The following SLC35F3 variants were observed in gnomAD, a reference collection of about 807,000 sequenced individuals.
SLC35F3 encodes the protein putative thiamine transporter SLC35F3.
In SLC35F3, 25 loss-of-function variants were observed where a neutral mutation model predicts 49.9. The observed-to-expected ratio is 0.50, with a 90% CI of 0.37 to 0.70. SLC35F3 has a LOEUF of 0.70. SLC35F3 is among the 30% of genes least tolerant of loss of function. The probability of loss-of-function intolerance (pLI) is 0.00; values close to 1 mark genes in which losing one functional copy is unlikely to be tolerated. For missense variants in SLC35F3, 525 were observed against 639.8 expected (o/e 0.82, Z 1.94); for synonymous variants, 275 against 265.4 (o/e 1.04, Z -0.35).
intron 2 of SLC35F3, among the ~76,000 whole-genome samples, chr1:234,111,867 A>T (rs1485071385): frequency 6.6e-6 from 1 of 152,224 alleles, no homozygotes; most frequent in Non-Finnish European, 1.5e-5. Context: ...ACACAGCAAG[A>T]TGTTTAGGGT....
chr1:233,926,948 C>G (rs1362739206), intron 2 of SLC35F3, among the ~76,000 whole-genome samples: 3 of 152,208 alleles, frequency 2.0e-5, no homozygotes. Context: ...CCCTGTTTGA[C>G]TGGGTATCAC....
intron 2 of SLC35F3, among the ~76,000 whole-genome samples, chr1:234,187,491 G>T (rs1261843581): frequency 6.6e-6 from 1 of 152,186 alleles, no homozygotes; most frequent in Non-Finnish European, 1.5e-5. Context: ...AAGAACTACT[G>T]CAGGAATATA....
chr1:234,274,278 A>G (rs985089309), intron 3 of SLC35F3: 1 of 152,228 alleles, frequency 6.6e-6, no homozygotes, highest in Non-Finnish European at 1.5e-5. Context: ...CAGCGTCACC[A>G]AAGAGATTTT....
chr1:234,293,850 T>C lies in SLC35F3; in HGVS notation c.609-15251T>C, dbSNP rs1339632400. Among the ~76,000 whole-genome samples the C allele has an allele frequency of 2.6e-5, 4 of 152,242 alleles. No homozygotes were observed. In the East Asian group the frequency reaches 7.7e-4, roughly 29 times the overall value. On this transcript the variant is annotated intron_variant, in intron 3 of 7. Transcript: ENST00000366618. ...ATATAACAACCTTTAATTTCAACTT[T>C]CATAAAACTGTTCTCTTTAGGAATG... is the stretch of plus-strand genomic sequence containing the variant.
chr1:234,161,047 G>C (rs920899601), intron 2 of SLC35F3, among the ~76,000 whole-genome samples: 1 of 152,116 alleles, frequency 6.6e-6, no homozygotes, highest in Non-Finnish European at 1.5e-5. Context: ...GATGGCCCAG[G>C]CTCCAGACAC....
chr1:234,099,628 C>A (rs906740146), intron 2 of SLC35F3, among the ~76,000 whole-genome samples: 5,515 of 119,532 alleles, frequency 0.046, 136 homozygotes, highest in Non-Finnish European at 0.065. Flanking sequence ...AAAAAAAAAA[C>A]AAAAAAAAGA....
chr1:234,139,367 C>G (rs867700396), intron 2 of SLC35F3, among the ~76,000 whole-genome samples: 4 of 152,158 alleles, frequency 2.6e-5, no homozygotes, highest in South Asian at 2.1e-4. Flanking sequence ...AAATGGACAA[C>G]GCAAATTGTA....
chr1:234,037,632 A>G (rs1241617467), intron 2 of SLC35F3, among the ~76,000 whole-genome samples: 1 of 152,252 alleles, frequency 6.6e-6, no homozygotes, highest in African/African-American at 2.4e-5. Context: ...TATGGAAGAA[A>G]AAATAAAGCT....
chr1:234,199,890 A>G (rs780092196), intron 2 of SLC35F3, among the ~76,000 whole-genome samples: 7 of 152,254 alleles, frequency 4.6e-5, no homozygotes, highest in Non-Finnish European at 1.0e-4. Flanking sequence ...ATATGAAAAA[A>G]TGCTCAACAT....
chr1:234,082,731 C>T (rs1390124111), intron 2 of SLC35F3, among the ~76,000 whole-genome samples: 2 of 152,006 alleles, frequency 1.3e-5, no homozygotes, highest in East Asian at 3.9e-4. Flanking sequence ...TGGCAGCAGG[C>T]GAGAGAGAAA....
chr1:234,254,268 C>G (rs1667783838), intron 3 of SLC35F3, among the ~76,000 whole-genome samples: 1 of 152,186 alleles, frequency 6.6e-6, no homozygotes, highest in African/African-American at 2.4e-5. Flanking sequence ...CTTCTCTATT[C>G]TCAAAACCCA....
chr1:234,138,425 A>T (rs2102901730), intron 2 of SLC35F3, among the ~76,000 whole-genome samples: 1 of 152,330 alleles, frequency 6.6e-6, no homozygotes, highest in South Asian at 2.1e-4. Context: ...GGGTAAATAT[A>T]TGCACACTCA....
chr1:234,022,067 A>G (rs1335467090), intron 2 of SLC35F3, among the ~76,000 whole-genome samples: 1 of 152,250 alleles, frequency 6.6e-6, no homozygotes, highest in Non-Finnish European at 1.5e-5. Flanking sequence ...AGGTCAAAGG[A>G]GAGCATAAAA....
At chr1:233,947,572 T>C (rs879401246) in intron 2 of SLC35F3, among the ~76,000 whole-genome samples, 4 of 151,526 alleles carry the variant, frequency 2.6e-5, no homozygotes, top group Admixed American at 6.6e-5. Flanking sequence ...CTCAAATGGG[T>C]ACCACTACAG....
chr1:234,116,303 C>T (rs1665485062), intron 2 of SLC35F3, among the ~76,000 whole-genome samples: 1 of 152,094 alleles, frequency 6.6e-6, no homozygotes, highest in Admixed American at 6.5e-5. Flanking sequence ...AAAAGATGCA[C>T]CTATGGCCCT....
intron 2 of SLC35F3, among the ~76,000 whole-genome samples, chr1:234,219,055 CAAAAAAA>C (rs60342594): frequency 3.6e-5 from 2 of 55,286 alleles, no homozygotes; most frequent in South Asian, 1.1e-3. Context: ...GACTCCATCT[CAAAAAAA>C]AAAAAAAAAA....
chr1:233,918,852 G>A (rs578149709), intron 2 of SLC35F3, among the ~76,000 whole-genome samples: 17 of 151,726 alleles, frequency 1.1e-4, no homozygotes, highest in African/African-American at 3.4e-4. Flanking sequence ...GTTTGTGTGT[G>A]TGTGTTTATT....
At chr1:234,104,540 A>G (rs1665256330) in intron 2 of SLC35F3, among the ~76,000 whole-genome samples, 1 of 152,106 alleles carries the variant, frequency 6.6e-6, no homozygotes, top group Admixed American at 6.5e-5. Context: ...TGGCATGGCT[A>G]TAATGCTTTT....
chr1:234,241,727 C>T (rs974154719), intron 3 of SLC35F3, among the ~76,000 whole-genome samples: 1 of 135,036 alleles, frequency 7.4e-6, no homozygotes, highest in Non-Finnish European at 1.5e-5. Context: ...AAGAGTGACA[C>T]TCTGTCTCAA....
Sources: allele counts gnomAD v4.1 joint callset (sites outside exome capture counted in the v4.1 genomes callset), GRCh38; gene constraint gnomAD v4.1.1; transcripts MANE v1.5; gene names NCBI Gene and HGNC (gene_info 2026-07-23, HGNC 2026-07-21).